SPDYE16: variants seen among roughly 807,000 people sequenced by gnomAD.
SPDYE16 encodes speedy protein E16.
SPDYE16 carries 5 observed loss-of-function variants against 40.1 expected under a neutral mutation model. The ratio of observed to expected loss-of-function variants is 0.12; its 90% CI spans 0.07 to 0.26. The LOEUF is 0.26. SPDYE16 is among the 10% of genes least tolerant of loss of function. SPDYE16 has a pLI of 1.00. For missense variants in SPDYE16, 98 were observed against 409.8 expected (o/e 0.24, Z 6.57); for synonymous variants, 40 against 154.2 (o/e 0.26, Z 5.49).
intron 1 of SPDYE16, among the ~76,000 whole-genome samples, 129 bp from the exon 2 acceptor site, chr7:76,542,009 GAGTGAGATTATCATGTA>G (rs1813200349): frequency 7.0e-6 from 1 of 143,478 alleles, no homozygotes; most frequent in Admixed American, 6.9e-5. Flanking sequence ...TCATGTACAA[GAGTGAGATTATCATGTA>G]CAAGAGTGAG....
intron 6 of SPDYE16, among the ~76,000 whole-genome samples, chr7:76,534,757 TAAAC>T (rs758293481): frequency 2.1e-5 from 3 of 139,830 alleles, no homozygotes; most frequent in East Asian, 2.1e-4. Context: ...TCTGTCTCAA[TAAAC>T]AAACAAACAA....
At position 76,539,843 on chromosome 7, in the gene SPDYE16, C is replaced by T. The variant is rs1204765786; in HGVS notation, c.379+285G>A. ...GCAGTCTCAAAGTCCTGAGTTCAAG[C>T]AATCCTCTTGCCTCAGCCTCCCAGC... On this transcript the variant is annotated intron_variant, in intron 3 of 8. Coordinates refer to ENST00000633306, the MANE Select transcript of SPDYE16 (RefSeq NM_001394943.1). Among the ~76,000 whole-genome samples, 7 of 114,658 alleles carry T rather than the reference C, an allele frequency of 6.1e-5. 3 individuals are homozygous for T. Among genetic ancestry groups the T allele is most frequent in the African/African-American group, 8.9e-5 (2 of 22,354 alleles). The allele number at this position is 114,658 out of a possible 152,430, so 75.2% of individuals were successfully genotyped here. A position where few individuals can be genotyped will look rare whatever the true frequency, so the allele number is the denominator to read the frequency against.
chr7:76,534,758 A>T (rs1225503136), intron 6 of SPDYE16, among the ~76,000 whole-genome samples: 2 of 134,008 alleles, frequency 1.5e-5, no homozygotes, highest in Non-Finnish European at 3.2e-5. Context: ...CTGTCTCAAT[A>T]AACAAACAAA....
chr7:76,534,750 G>A (rs1403726009), intron 6 of SPDYE16, among the ~76,000 whole-genome samples: 99 of 132,652 alleles, frequency 7.5e-4, no homozygotes, highest in Middle Eastern at 3.9e-3. Context: ...GCAAGACTCT[G>A]TCTCAATAAA....
chr7:76,543,153 C>T (rs1166772341), intron 1 of SPDYE16, among the ~76,000 whole-genome samples, 23 bp downstream of exon 1: 1 of 145,652 alleles, frequency 6.9e-6, no homozygotes, highest in African/African-American at 2.5e-5. Context: ...GAGCAAAACT[C>T]CATCTCAAAA....
At chr7:76,538,347 T>C (rs3972912) in intron 4 of SPDYE16, among the ~76,000 whole-genome samples, 6 of 108,692 alleles carry the variant, frequency 5.5e-5, no homozygotes, top group African/African-American at 2.4e-4. Context: ...ATCTCAGGCG[T>C]GAGCCACTGC....
Position 76,536,252 on chromosome 7 carries a change from G to T in SPDYE16, c.675C>A (p.Leu225=). 1 of 532,114 alleles carries T rather than the reference G, an allele frequency of 1.9e-6. No homozygotes were observed. Among genetic ancestry groups the T allele is most frequent in the Non-Finnish European group, 3.2e-6 (1 of 315,160 alleles). The allele number at this position is 532,114 out of a possible 1,614,324, so 33.0% of individuals were successfully genotyped here. The part of the protein sequence containing the change: ...DKDLRVSDKY[L]LAMVIAYFSR... ...TGAAATACGCTATGACCATAGCCAGGAGATACTGATGGAGAGAAAGGAACA... is the reference window on the plus strand; with the variant it reads ...TGAAATACGCTATGACCATAGCCAGTAGATACTGATGGAGAGAAAGGAACA... The change falls in exon 6 of 9, where the codon CTC becomes CTA. Residue 225 remains leucine, a synonymous_variant. Coordinates refer to ENST00000633306, the MANE Select transcript of SPDYE16 (RefSeq NM_001394943.1).
At position 76,541,400 on chromosome 7, in the gene SPDYE16, G is replaced by T; in HGVS notation, c.60C>A (p.Thr20=). 6.5e-7 allele frequency: 1 copy of T among 1,534,778 alleles called. No homozygotes were observed. Among genetic ancestry groups the T allele is most frequent in the Non-Finnish European group, 8.7e-7 (1 of 1,146,600 alleles). The stretch of plus-strand genomic sequence containing the variant: ...CATTCTGGGGGTGAGGTTGACGGCT[G>T]GTCGTGATCTTTCCCTTAATCTGTC... ...KRGQIKGKIT[T]SRQPHPQNEQ... Residue 20 remains threonine (T), a synonymous_variant, in exon 2 of 9, where the codon ACC becomes ACA. Transcript: ENST00000633306.
At chr7:76,539,447 C>CTTTTT (rs1193621613) in intron 3 of SPDYE16, among the ~76,000 whole-genome samples, 2 of 30,278 alleles carry the variant, frequency 6.6e-5, no homozygotes, top group East Asian at 5.9e-4. Context: ...GCCCTTCCTT[C>CTTTTT]TTTTTTTTTT....
At chr7:76,539,395 C>G (rs1327777179) in intron 3 of SPDYE16, among the ~76,000 whole-genome samples, 1 of 97,910 alleles carries the variant, frequency 1.0e-5, no homozygotes, top group Non-Finnish European at 2.0e-5. Context: ...TCCATTCTTC[C>G]CACACACCCT....
At chr7:76,539,906 C>T (rs1480711663) in intron 3 of SPDYE16, among the ~76,000 whole-genome samples, 5 of 116,832 alleles carry the variant, frequency 4.3e-5, no homozygotes, top group South Asian at 2.6e-4. Context: ...GCACCTGGCC[C>T]GAAACCAAGC....
At chr7:76,535,694 G>T (rs1399305895) in intron 6 of SPDYE16, among the ~76,000 whole-genome samples, 2 of 57,848 alleles carry the variant, frequency 3.5e-5, no homozygotes, top group Non-Finnish European at 6.3e-5. Flanking sequence ...TTGTTTTTTT[G>T]GCTTTTTTTT....
In SPDYE16 at chr7:76,539,437, G is replaced by A. The variant is rs893971904; in HGVS notation, c.380-621C>T. ...GTGCTCCTTCCTGACTTCTGGGCCC[G>A]CCCTTCCTTCTTTTTTTTTTTTTTT... On this transcript the variant is annotated intron_variant, in intron 3 of 8. Transcript: ENST00000633306. Among the ~76,000 whole-genome samples, 15 of 78,532 alleles carry A rather than the reference G, an allele frequency of 1.9e-4. 1 individual carries two copies. The highest frequency in any genetic ancestry group is 3.4e-4 in the Non-Finnish European group (15 of 43,766). 51.5% of individuals were successfully genotyped at this position (78,532 alleles called of 152,430 possible). A position where few individuals can be genotyped will look rare whatever the true frequency, so the allele number is the denominator to read the frequency against.
chr7:76,541,059 C>T (rs1487295489), intron 2 of SPDYE16, among the ~76,000 whole-genome samples: 4 of 122,700 alleles, frequency 3.3e-5, no homozygotes, highest in Non-Finnish European at 6.6e-5. Flanking sequence ...TCTCCTGTCT[C>T]AGCCTCCTGA....
intron 2 of SPDYE16, among the ~76,000 whole-genome samples, chr7:76,540,869 G>A (rs3972831): frequency 5.5e-5 from 8 of 144,802 alleles, no homozygotes; most frequent in African/African-American, 1.4e-4. Flanking sequence ...AAGTTCTGGG[G>A]TTACAGGTGT....
rs1027752738 is a variant in SPDYE16 at position 76,541,442 on chromosome 7, A to C, written c.18T>G (p.Thr6=). The C allele has an allele frequency of 2.0e-6, 3 of 1,534,474 alleles. No individual in the cohort carries two copies. The African/African-American group carries it at 4.1e-5, about 21-fold the overall frequency. The part of the protein sequence containing the change: MDRTE[T]RFRKRGQIKG... ...TAATCTGTCCCCTCTTACGGAACCT[A>C]GTCTCCGTTCTGTCCATGGCCTTCT... The change falls in exon 2 of 9, where the codon ACT becomes ACG. Residue 6 remains threonine (T), a synonymous_variant. Coordinates refer to ENST00000633306, the MANE Select transcript of SPDYE16 (RefSeq NM_001394943.1).
chr7:76,541,446 T>A lies in SPDYE16; in HGVS notation c.14A>T (p.Glu5Val). Reference protein sequence around the residue: MDRTETRFRKRGQIK... With the variant: MDRTVTRFRKRGQIK... Reference sequence around the variant, plus strand: ...CTGTCCCCTCTTACGGAACCTAGTCTCCGTTCTGTCCATGGCCTTCTTCTG... The same window carrying A: ...CTGTCCCCTCTTACGGAACCTAGTCACCGTTCTGTCCATGGCCTTCTTCTG... Residue 5 changes from glutamate to valine, a missense_variant, in exon 2 of 9, where the codon GAG becomes GTG. Physicochemically the swap from Glu to Val is moderately radical, Grantham distance 121. Coordinates refer to ENST00000633306, the MANE Select transcript of SPDYE16 (RefSeq NM_001394943.1). 6.5e-7 allele frequency: 1 copy of A among 1,534,620 alleles called. No homozygotes were observed. Among genetic ancestry groups the A allele is most frequent in the Admixed American group, 2.0e-5 (1 of 50,938 alleles).
At chr7:76,540,978 T>C (rs891347656) in intron 2 of SPDYE16, among the ~76,000 whole-genome samples, 2 of 139,278 alleles carry the variant, frequency 1.4e-5, no homozygotes, top group Non-Finnish European at 3.0e-5. Context: ...TCTTTTCTTT[T>C]TTTTTTTTTT....
rs199617197 is a variant in SPDYE16 at position 76,541,343 on chromosome 7, G to A, written c.117C>T (p.Tyr39=). The part of the protein sequence containing the change: ...EQSPQRSTSG[Y]SLQEVVDDEV... ...CATCATCCACCACCTCCTGGAGGGA[G>A]TACCCCGAGGTGCTCCGCTGGGGAC... Residue 39 remains tyrosine (Y), a synonymous_variant, in exon 2 of 9, where the codon TAC becomes TAT. Coordinates refer to ENST00000633306, the MANE Select transcript of SPDYE16 (RefSeq NM_001394943.1). The A allele has an allele frequency of 1.3e-3, 2,021 of 1,534,870 alleles. 7 individuals carry two copies. Among genetic ancestry groups the A allele is most frequent in the Non-Finnish European group, 1.6e-3 (1,871 of 1,146,652 alleles).
Sources: gnomAD v4.1 joint callset for allele counts (sites outside exome capture counted in the v4.1 genomes callset) on GRCh38, gnomAD v4.1.1 for gene constraint, MANE v1.5 for transcripts, NCBI Gene and HGNC (gene_info 2026-07-23, HGNC 2026-07-21) for gene names.